The following HTR1F variants were observed in gnomAD, a reference collection of about 807,000 sequenced individuals.
The protein encoded by HTR1F is 5-hydroxytryptamine receptor 1F, also known as 5-hydroxytryptamine (serotonin) receptor 1F, G protein-coupled.
In HTR1F, 17 loss-of-function variants were observed where a neutral mutation model predicts 24.0. That is an observed-to-expected ratio of 0.71 (90% CI 0.48 to 1.06). HTR1F has a LOEUF of 1.06. Among genes scored for constraint, HTR1F ranks in the 50% least tolerant of loss-of-function variants. The pLI is 0.00. For missense variants in HTR1F, 391 were observed against 427.8 expected, an observed-to-expected ratio of 0.91 and a Z score of 0.76; for synonymous variants, 186 against 156.8, an observed-to-expected ratio of 1.19 and a Z score of -1.39.
chr3:87,850,816 CA>C (rs1276062383), intron 2 of HTR1F, among the ~76,000 whole-genome samples: 40 of 142,884 alleles, frequency 2.8e-4, no homozygotes, highest in Middle Eastern at 3.5e-3. Context: ...GGAACAACAA[CA>C]AAAAAAAAAA....
At chr3:87,939,132 G>A (rs557122990) in intron 2 of HTR1F, among the ~76,000 whole-genome samples, 1 of 152,076 alleles carries the variant, frequency 6.6e-6, no homozygotes, top group Non-Finnish European at 1.5e-5. Flanking sequence ...TGAGATAATC[G>A]TGTAGTTTTT....
At chr3:87,863,198 G>C in intron 2 of HTR1F, among the ~76,000 whole-genome samples, 1 of 152,264 alleles carries the variant, frequency 6.6e-6, no homozygotes. Flanking sequence ...GCAAAAGGTC[G>C]TCCAACCATA....
chr3:87,859,880 C>G (rs1283853739), intron 2 of HTR1F, among the ~76,000 whole-genome samples: 2 of 152,224 alleles, frequency 1.3e-5, no homozygotes, highest in Non-Finnish European at 2.9e-5. Context: ...AGATATTTCA[C>G]TCTGCATTTT....
intron 2 of HTR1F, among the ~76,000 whole-genome samples, chr3:87,840,235 C>T (rs181591331): frequency 6.6e-6 from 1 of 152,112 alleles, no homozygotes; most frequent in East Asian, 1.9e-4. Context: ...GTTTAAGACC[C>T]TTATAGATCC....
intron 2 of HTR1F, among the ~76,000 whole-genome samples, chr3:87,935,757 G>A (rs1428917590): frequency 6.6e-6 from 1 of 151,944 alleles, no homozygotes; most frequent in Non-Finnish European, 1.5e-5. Flanking sequence ...CTCTGTGTTA[G>A]AAGTTTATTT....
intron 2 of HTR1F, among the ~76,000 whole-genome samples, chr3:87,918,898 C>T (rs577968924): frequency 6.6e-6 from 1 of 151,836 alleles, no homozygotes; most frequent in Non-Finnish European, 1.5e-5. Context: ...ATGGAACCAA[C>T]AAAGGGCCCG....
chr3:87,860,448 C>CT (rs965847828), intron 2 of HTR1F, among the ~76,000 whole-genome samples: 26 of 152,172 alleles, frequency 1.7e-4, no homozygotes, highest in African/African-American at 5.8e-4. Context: ...CAATAGAACT[C>CT]TGACACTAGG....
intron 2 of HTR1F, among the ~76,000 whole-genome samples, chr3:87,934,009 C>T (rs1038597455): frequency 3.3e-5 from 5 of 152,128 alleles, no homozygotes; most frequent in African/African-American, 4.8e-5. Flanking sequence ...TTTCCAGTCC[C>T]TGGGAAAACT....
intron 2 of HTR1F, among the ~76,000 whole-genome samples, chr3:87,943,765 C>T (rs1445738657): frequency 1.3e-5 from 2 of 152,220 alleles, no homozygotes; most frequent in Non-Finnish European, 2.9e-5. Flanking sequence ...ATAATTTATA[C>T]TTCCCTCAGG....
At chr3:87,883,941 C>G (rs113162213) in intron 2 of HTR1F, among the ~76,000 whole-genome samples, 1 of 151,998 alleles carries the variant, frequency 6.6e-6, no homozygotes, top group African/African-American at 2.4e-5. Flanking sequence ...TCCAGGAGAA[C>G]TTCCCCAACC....
intron 1 of HTR1F, among the ~76,000 whole-genome samples, chr3:87,801,327 GAAAATTAGTGGAGTA>G (rs1315669111): frequency 6.6e-6 from 1 of 152,156 alleles, no homozygotes; most frequent in Non-Finnish European, 1.5e-5. Context: ...CACTTATAGT[GAAAATTAGTGGAGTA>G]AAATCTTGTT....
chr3:87,857,461 C>A (rs1705221243), intron 2 of HTR1F, among the ~76,000 whole-genome samples: 1 of 151,890 alleles, frequency 6.6e-6, no homozygotes, highest in Non-Finnish European at 1.5e-5. Flanking sequence ...AAGAATAGTT[C>A]TAGTATTATT....
intron 2 of HTR1F, among the ~76,000 whole-genome samples, chr3:87,907,821 G>A (rs542558342): frequency 5.3e-5 from 8 of 152,078 alleles, no homozygotes; most frequent in African/African-American, 1.7e-4. Context: ...TTCTCAAGAT[G>A]AAAGCAATGG....
intron 2 of HTR1F, among the ~76,000 whole-genome samples, chr3:87,871,273 A>C (rs1232588923): frequency 1.3e-5 from 2 of 152,044 alleles, no homozygotes; most frequent in East Asian, 3.9e-4. Context: ...AAATGAAAAA[A>C]TTGACTAGAG....
At chr3:87,898,054 T>C (rs1281808100) in intron 2 of HTR1F, among the ~76,000 whole-genome samples, 31 of 152,030 alleles carry the variant, frequency 2.0e-4, no homozygotes, top group Admixed American at 1.8e-3. Context: ...GTTAGGTGAA[T>C]GAATAGGTGG....
chr3:87,972,406 C>T (rs1705303898), intron 2 of HTR1F, among the ~76,000 whole-genome samples: 1 of 151,972 alleles, frequency 6.6e-6, no homozygotes, highest in Non-Finnish European at 1.5e-5. Flanking sequence ...ATACATTTTC[C>T]CAATTTCTTC....
intron 2 of HTR1F, among the ~76,000 whole-genome samples, chr3:87,875,135 G>A (rs1399201843): frequency 2.0e-5 from 3 of 152,000 alleles, no homozygotes; most frequent in Non-Finnish European, 2.9e-5. Flanking sequence ...TAGAACAATG[G>A]AACCACATCA....
chr3:87,828,294 C>T (rs528810139), intron 2 of HTR1F, among the ~76,000 whole-genome samples: 1 of 152,126 alleles, frequency 6.6e-6, no homozygotes, highest in African/African-American at 2.4e-5. Flanking sequence ...GAGTGTCATT[C>T]ACGTTCGATT....
At chr3:87,968,716 C>T (rs1439176934) in intron 2 of HTR1F, among the ~76,000 whole-genome samples, 1 of 152,140 alleles carries the variant, frequency 6.6e-6, no homozygotes, top group Non-Finnish European at 1.5e-5. Context: ...TTTAAGCTGG[C>T]TACAGAAATT....
Sources: allele counts gnomAD v4.1 joint callset (sites outside exome capture counted in the v4.1 genomes callset), GRCh38; gene constraint gnomAD v4.1.1; transcripts MANE v1.5; gene names NCBI Gene and HGNC (gene_info 2026-07-23, HGNC 2026-07-21).